PCBP2: variants seen among roughly 807,000 people sequenced by gnomAD.
The protein encoded by PCBP2 is poly(rC) binding protein 2.
Under a neutral mutation model 50.1 loss-of-function variants are expected in PCBP2, and 4 were observed. That is an observed-to-expected ratio of 0.08 (90% CI 0.04 to 0.18). PCBP2 has a LOEUF of 0.18. Ranked by LOEUF, PCBP2 falls within the 10% of genes least tolerant of loss-of-function variation. PCBP2 has a pLI of 1.00. For synonymous variants in PCBP2, 179 were observed against 168.0 expected, an observed-to-expected ratio of 1.07 and a Z score of -0.51; for missense variants, 161 against 474.3, an observed-to-expected ratio of 0.34 and a Z score of 6.14.
intron 13 of PCBP2, among the ~76,000 whole-genome samples, chr12:53,469,595 G>A (rs1942060171): frequency 6.6e-6 from 1 of 151,924 alleles, no homozygotes; most frequent in South Asian, 2.1e-4. Flanking sequence ...GCATGGTGTT[G>A]CATCTCTGTA....
At chr12:53,476,832 C>T (rs1053209391) in intron 14 of PCBP2, among the ~76,000 whole-genome samples, 2 of 152,110 alleles carry the variant, frequency 1.3e-5, no homozygotes, top group East Asian at 1.9e-4. Flanking sequence ...TCATGTGGTC[C>T]AGCTCTCTCC....
intron 7 of PCBP2, 118 bp downstream of exon 7, chr12:53,461,261 G>A (rs1052127627): frequency 1.8e-6 from 2 of 1,116,964 alleles, no homozygotes; most frequent in Non-Finnish European, 2.5e-6. Flanking sequence ...AGTGGGGGTG[G>A]GGCTAAAAGG....
At chr12:53,475,176 A>G (rs774592959) in intron 14 of PCBP2, 1 of 456,424 alleles carries the variant, frequency 2.2e-6, no homozygotes, top group Non-Finnish European at 4.4e-6. Context: ...ATGTGTAACT[A>G]ACAAACTGAA....
At chr12:53,465,485 T>A (rs1342475246) in intron 9 of PCBP2, among the ~76,000 whole-genome samples, 1 of 152,166 alleles carries the variant, frequency 6.6e-6, no homozygotes, top group African/African-American at 2.4e-5. Flanking sequence ...GGGAAGTGTT[T>A]TAAAACATAC....
chr12:53,458,789 C>T (rs1482459266), intron 5 of PCBP2, among the ~76,000 whole-genome samples: 1 of 151,442 alleles, frequency 6.6e-6, no homozygotes, highest in Admixed American at 6.6e-5. Context: ...CAGGTGCCAG[C>T]CACCATGCTT....
intron 13 of PCBP2, among the ~76,000 whole-genome samples, chr12:53,469,289 C>G (rs1202247979): frequency 6.6e-6 from 1 of 151,786 alleles, no homozygotes; most frequent in Non-Finnish European, 1.5e-5. Context: ...TTTCATACCC[C>G]AGGAATGGAA....
At position 53,467,280 on chromosome 12, in the gene PCBP2, C is replaced by T; in HGVS notation, c.774C>T (p.Asn258=). ...QQSHFPMTHG[N]TGFSGIESSS... Reference sequence around the variant, plus strand: ...CTCATTTTCCCATGACGCATGGCAACACCGGATTCAGTGGTATGGATACCT... The same window carrying T: ...CTCATTTTCCCATGACGCATGGCAATACCGGATTCAGTGGTATGGATACCT... Residue 258 remains asparagine, a synonymous_variant, in exon 11 of 15, where the codon AAC becomes AAT. Transcript: ENST00000546463. 9 of 1,613,522 alleles carry T rather than the reference C, an allele frequency of 5.6e-6. No homozygotes were observed. Among genetic ancestry groups the T allele is most frequent in the Non-Finnish European group, 7.6e-6 (9 of 1,179,400 alleles).
At chr12:53,472,639 A>G (rs1159335326) in intron 14 of PCBP2, among the ~76,000 whole-genome samples, 1 of 152,140 alleles carries the variant, frequency 6.6e-6, no homozygotes, top group African/African-American at 2.4e-5. Context: ...TACCTTTCTT[A>G]TAAGTGTTTA....
At position 53,452,127 on chromosome 12, in the gene PCBP2, G is replaced by GAGCAGCCGC. The variant is rs1474159831; in HGVS notation, c.-321_-313dup. ...CCCAGACCAGCAGAGGCAGCAGCCG[G>GAGCAGCCGC]AGCAGCCGCAGCCTGCGCCCTCTCC... On this transcript the variant is annotated 5_prime_UTR_variant, in exon 1 of 15. Transcript: ENST00000546463. 2.0e-5 allele frequency: 3 copies of GAGCAGCCGC among 149,872 alleles called. No individual in the cohort carries two copies. Among genetic ancestry groups the GAGCAGCCGC allele is most frequent in the African/African-American group, 7.4e-5 (3 of 40,606 alleles). 9.3% of individuals were successfully genotyped at this position (149,872 alleles called of 1,614,324 possible).
Position 53,479,784 on chromosome 12 carries a change from A to C in PCBP2, c.*342A>C. The C allele has an allele frequency of 5.6e-6, 1 of 179,454 alleles. No homozygotes were observed. Among genetic ancestry groups the C allele is most frequent in the Non-Finnish European group, 1.1e-5 (1 of 87,438 alleles). 11.1% of individuals were successfully genotyped at this position (179,454 alleles called of 1,614,324 possible). A position where few individuals can be genotyped will look rare whatever the true frequency, so the allele number is the denominator to read the frequency against. On this transcript the variant is annotated 3_prime_UTR_variant, in exon 15 of 15. Coordinates refer to ENST00000546463, the MANE Select transcript of PCBP2 (RefSeq NM_031989.5). The stretch of plus-strand genomic sequence containing the variant: ...TCAGGAATTTTTCAAAAAAATTAAA[A>C]GATGGACTGGAGCTTTTTCTTTGTG...
intron 14 of PCBP2, among the ~76,000 whole-genome samples, chr12:53,478,568 C>CAG (rs1175358629): frequency 6.6e-6 from 1 of 152,154 alleles, no homozygotes; most frequent in Non-Finnish European, 1.5e-5. Context: ...CATTGGGAGG[C>CAG]AGAGGCAGGC....
At chr12:53,465,071 T>C (rs1207857780) in intron 9 of PCBP2, 1 of 422,752 alleles carries the variant, frequency 2.4e-6, no homozygotes, top group Non-Finnish European at 4.0e-6. Context: ...TTTTTTTTTG[T>C]TCAACCCCTC....
At chr12:53,476,464 C>G (rs1347264809) in intron 14 of PCBP2, among the ~76,000 whole-genome samples, 1 of 152,198 alleles carries the variant, frequency 6.6e-6, no homozygotes, top group Non-Finnish European at 1.5e-5. Flanking sequence ...CTAAGATGGG[C>G]ACAGGCCTCT....
chr12:53,453,567 G>A (rs1940748098), intron 1 of PCBP2, among the ~76,000 whole-genome samples: 1 of 152,194 alleles, frequency 6.6e-6, no homozygotes, highest in African/African-American at 2.4e-5. Context: ...TTTAGGGTAT[G>A]GGCTTTGTGT....
intron 14 of PCBP2, chr12:53,475,207 C>T (rs911781390): frequency 2.2e-6 from 1 of 456,038 alleles, no homozygotes; most frequent in South Asian, 1.5e-5. Context: ...CAGAGATTCT[C>T]TCCCTACTGA....
At position 53,458,348 on chromosome 12, in the gene PCBP2, T is replaced by C. The variant is rs572007012; in HGVS notation, c.244-924T>C. On this transcript the variant is annotated intron_variant, in intron 5 of 14. Coordinates refer to ENST00000546463, the MANE Select transcript of PCBP2 (RefSeq NM_031989.5). ...TGAGATGGAGTCTCATTCTGTTCCC[T>C]AGGCTGGAGTGCAGTGGTGCAATCT... is the stretch of plus-strand genomic sequence containing the variant. Among the ~76,000 whole-genome samples, 17 of 149,504 alleles carry C rather than the reference T, an allele frequency of 1.1e-4. No individual in the cohort carries two copies. The South Asian group carries it at 3.4e-3, about 30-fold the overall frequency.
chr12:53,454,127 G>A (rs552680948), intron 1 of PCBP2, among the ~76,000 whole-genome samples: 1 of 152,324 alleles, frequency 6.6e-6, no homozygotes, highest in Admixed American at 6.5e-5. Flanking sequence ...TGGAACCCCA[G>A]CCTGCGTGGA....
chr12:53,456,916 AT>A (rs1178913144), intron 5 of PCBP2, among the ~76,000 whole-genome samples: 4 of 144,916 alleles, frequency 2.8e-5, no homozygotes, highest in Non-Finnish European at 4.6e-5. Context: ...ATGAAATCTT[AT>A]CTTTGCCAAG....
chr12:53,471,583 A>G (rs2137101600), intron 13 of PCBP2, 55 bp from the exon 14 acceptor site: 1 of 1,496,384 alleles, frequency 6.7e-7, no homozygotes, highest in South Asian at 1.3e-5. Context: ...TGGGATTCTT[A>G]GACCTAGCCA....
Sources: gnomAD v4.1 joint callset for allele counts (sites outside exome capture counted in the v4.1 genomes callset) on GRCh38, gnomAD v4.1.1 for gene constraint, MANE v1.5 for transcripts, NCBI Gene and HGNC (gene_info 2026-07-23, HGNC 2026-07-21) for gene names.